Variants in RBFOX1 observed in about 807,000 individuals in gnomAD.
RBFOX1 encodes RNA binding protein fox-1 homolog 1.
RBFOX1 carries 8 observed loss-of-function variants against 57.7 expected under a neutral mutation model. The ratio of observed to expected loss-of-function variants is 0.14; its 90% CI spans 0.08 to 0.25. RBFOX1 has a LOEUF of 0.25. RBFOX1 is among the 10% of genes least tolerant of loss of function. The pLI, the probability that RBFOX1 is intolerant of heterozygous loss-of-function variation, is 1.00. For synonymous variants in RBFOX1, 326 were observed against 222.4 expected, an observed-to-expected ratio of 1.47 and a Z score of -4.15; for missense variants, 611 against 548.5, an observed-to-expected ratio of 1.11 and a Z score of -1.14.
rs560603328 is a variant in RBFOX1 at position 5,673,536 on chromosome 16, C to T, written c.318+74575C>T. The stretch of plus-strand genomic sequence containing the variant: ...GTCTCGCTTGGCACCTAAAGGTTGA[C>T]GTCAGTGTCACTGAGGCCAGACCTG... On this transcript the variant is annotated intron_variant, in intron 3 of 19. Transcript: ENST00000641259. Among the ~76,000 whole-genome samples the T allele has an allele frequency of 3.9e-5, 6 of 152,300 alleles. No individual in the cohort carries two copies. In the East Asian group the frequency reaches 5.8e-4, roughly 15 times the overall value.
At chr16:6,698,622 T>C (rs2061389926) in intron 3 of RBFOX1, among the ~76,000 whole-genome samples, 1 of 152,212 alleles carries the variant, frequency 6.6e-6, no homozygotes, top group African/African-American at 2.4e-5. Context: ...CTTCTCCATC[T>C]GTTATTCACC....
intron 4 of RBFOX1, among the ~76,000 whole-genome samples, chr16:7,157,389 G>C (rs1234723531): frequency 6.6e-6 from 1 of 152,080 alleles, no homozygotes; most frequent in Non-Finnish European, 1.5e-5. Flanking sequence ...ATGGAAGGTT[G>C]CAGCCCATGT....
intron 1 of RBFOX1, among the ~76,000 whole-genome samples, chr16:5,461,506 C>A (rs765456754): frequency 1.2e-4 from 18 of 152,178 alleles, no homozygotes; most frequent in Non-Finnish European, 2.1e-4. Context: ...CAACCAGGCT[C>A]TGATGAAAGT....
rs1555458328 is a variant in RBFOX1 at position 5,967,002 on chromosome 16, G to GT, written c.351+99667_351+99668insT. Among the ~76,000 whole-genome samples the GT allele has an allele frequency of 3.5e-4, 36 of 103,854 alleles. 1 individual carries two copies. Among genetic ancestry groups the GT allele is most frequent in the Non-Finnish European group, 3.2e-4 (15 of 47,278 alleles). The allele number at this position is 103,854 out of a possible 152,430, so 68.1% of individuals were successfully genotyped here. A position where few individuals can be genotyped will look rare whatever the true frequency, so the allele number is the denominator to read the frequency against. On this transcript the variant is annotated intron_variant, in intron 4 of 19. Transcript: ENST00000641259. ...TTCTTGCACTAAATCGGGGGGGGGGGGGTCAATAAATGATAGCTCAGGTGC... is the reference window on the plus strand; with the variant it reads ...TTCTTGCACTAAATCGGGGGGGGGGGTGGTCAATAAATGATAGCTCAGGTGC...
intron 1 of RBFOX1, among the ~76,000 whole-genome samples, chr16:5,316,898 A>C (rs9931192): frequency 0.93 from 141,774 of 152,120 alleles, 66,878 homozygotes; most frequent in East Asian, 1. Context: ...GGGTGGGCAG[A>C]GTCCAATTGG....
At chr16:7,454,671 C>T (rs1006661139) in intron 4 of RBFOX1, among the ~76,000 whole-genome samples, 6 of 152,140 alleles carry the variant, frequency 3.9e-5, no homozygotes, top group African/African-American at 1.4e-4. Flanking sequence ...TTGGATAGAA[C>T]TTGAGAAGGA....
chr16:6,498,378 A>G (rs920518091), intron 2 of RBFOX1, among the ~76,000 whole-genome samples: 3 of 152,150 alleles, frequency 2.0e-5, no homozygotes, highest in Admixed American at 1.3e-4. Flanking sequence ...GCAAAATATC[A>G]TTGTATTTCG....
rs773660087 is a variant in RBFOX1, at chr16:7,648,196, C to G, written c.758-5619C>G. On this transcript the variant is annotated intron_variant, in intron 11 of 15. Coordinates refer to ENST00000550418, the MANE Select transcript of RBFOX1 (RefSeq NM_018723.4). ...GCGAAGAAGCCATGTTGTCCCTAAA[C>G]CAACAATTGAGGAAAAAATTATTTA... Among the ~76,000 whole-genome samples, 7 of 152,114 alleles carry G rather than the reference C, an allele frequency of 4.6e-5. No homozygotes were observed. In the East Asian group the frequency reaches 1.2e-3, roughly 25 times the overall value.
intron 1 of RBFOX1, among the ~76,000 whole-genome samples, chr16:6,151,718 C>G (rs2096799089): frequency 6.6e-6 from 1 of 152,196 alleles, no homozygotes; most frequent in Admixed American, 6.5e-5. Flanking sequence ...ACAGGCACTG[C>G]TGTGAACCAG....
rs140740885 is a variant in RBFOX1 at position 5,644,501 on chromosome 16, G to C, written c.318+45540G>C. ...CATGGAGGTAAAGTTCCACCTTAAAGTCCAGAACCACCCATGTGGCTCCCT... is the reference window on the plus strand; with the variant it reads ...CATGGAGGTAAAGTTCCACCTTAAACTCCAGAACCACCCATGTGGCTCCCT... On this transcript the variant is annotated intron_variant, in intron 3 of 19. Transcript: ENST00000641259. Among the ~76,000 whole-genome samples, 506 of 152,162 alleles carry C rather than the reference G, an allele frequency of 3.3e-3. 2 individuals carry two copies. Among genetic ancestry groups the C allele is most frequent in the African/African-American group, 0.011 (436 of 41,416 alleles).
intron 3 of RBFOX1, among the ~76,000 whole-genome samples, chr16:5,632,896 C>T (rs1259846423): frequency 6.6e-6 from 1 of 151,732 alleles, no homozygotes; most frequent in Non-Finnish European, 1.5e-5. Flanking sequence ...GCTGGGAACA[C>T]AACCCAGGTC....
intron 2 of RBFOX1, among the ~76,000 whole-genome samples, chr16:6,521,455 C>G (rs1048933161): frequency 1.4e-5 from 2 of 142,830 alleles, no homozygotes; most frequent in African/African-American, 5.2e-5. Flanking sequence ...CCTCCCGTCC[C>G]CTCTCCTCTC....
intron 4 of RBFOX1, among the ~76,000 whole-genome samples, chr16:7,447,876 T>C (rs549995422): frequency 5.3e-4 from 81 of 152,362 alleles, no homozygotes; most frequent in African/African-American, 1.8e-3. Flanking sequence ...ATGAATTAGC[T>C]GTATCAGCAT....
chr16:7,693,246 C>G (rs78464000), intron 14 of RBFOX1: 7 of 1,378,398 alleles, frequency 5.1e-6, no homozygotes, highest in Admixed American at 1.7e-5. Context: ...CTGTACACAT[C>G]GAAGCAATTG....
At chr16:5,578,386 G>A (rs1198545307) in intron 2 of RBFOX1, among the ~76,000 whole-genome samples, 1 of 152,176 alleles carries the variant, frequency 6.6e-6, no homozygotes, top group Non-Finnish European at 1.5e-5. Context: ...GAAGGGTGGA[G>A]TGGAGAAAGG....
intron 4 of RBFOX1, among the ~76,000 whole-genome samples, chr16:7,245,891 C>T (rs554708042): frequency 6.1e-4 from 93 of 152,242 alleles, no homozygotes; most frequent in Non-Finnish European, 1.2e-3. Flanking sequence ...TACAGTCTTG[C>T]AAATAGATAT....
At chr16:7,370,962 AAAG>A in intron 4 of RBFOX1, among the ~76,000 whole-genome samples, 1 of 152,230 alleles carries the variant, frequency 6.6e-6, no homozygotes, top group South Asian at 2.1e-4. Flanking sequence ...CCCCAGAAGC[AAAG>A]CCCCAATCAG....
At chr16:6,505,228 A>T (rs2096059450) in intron 2 of RBFOX1, among the ~76,000 whole-genome samples, 1 of 152,138 alleles carries the variant, frequency 6.6e-6, no homozygotes, top group Non-Finnish European at 1.5e-5. Flanking sequence ...AGTCACTTTT[A>T]TGTAGTTGTC....
At chr16:5,551,565 G>T (rs2045465624) in intron 2 of RBFOX1, among the ~76,000 whole-genome samples, 1 of 152,180 alleles carries the variant, frequency 6.6e-6, no homozygotes, top group Admixed American at 6.5e-5. Context: ...CAAGGGTGAT[G>T]CCTGTTCTCT....
Sources: allele counts gnomAD v4.1 joint callset (sites outside exome capture counted in the v4.1 genomes callset), GRCh38; gene constraint gnomAD v4.1.1; transcripts MANE v1.5; gene names NCBI Gene and HGNC (gene_info 2026-07-23, HGNC 2026-07-21).